The following PTPRM variants were observed in gnomAD, a reference collection of about 807,000 sequenced individuals.
PTPRM encodes receptor-type tyrosine-protein phosphatase mu.
Under a neutral mutation model 186.7 loss-of-function variants are expected in PTPRM, and 47 were observed. The ratio of observed to expected loss-of-function variants is 0.25; its 90% CI spans 0.20 to 0.32. The LOEUF (loss-of-function observed/expected upper bound fraction) is 0.32. Ranked by LOEUF, PTPRM falls within the 10% of genes least tolerant of loss-of-function variation. PTPRM has a pLI of 1.00. For missense variants in PTPRM, 1,494 were observed against 1,865.0 expected (o/e 0.80, Z 3.66); for synonymous variants, 668 against 674.9 (o/e 0.99, Z 0.16).
At chr18:7,704,754 A>C (rs1180402915) in intron 1 of PTPRM, among the ~76,000 whole-genome samples, 1 of 152,176 alleles carries the variant, frequency 6.6e-6, no homozygotes, top group Non-Finnish European at 1.5e-5. Flanking sequence ...CAATGAACAT[A>C]ATTCTAATTT....
chr18:7,688,104 C>G (rs1419717458), intron 1 of PTPRM, among the ~76,000 whole-genome samples: 1 of 152,108 alleles, frequency 6.6e-6, no homozygotes, highest in African/African-American at 2.4e-5. Context: ...AAAACATTCT[C>G]TAGTCGTGCC....
chr18:8,395,136 CTCT>C (rs1463456343), intron 32 of PTPRM, among the ~76,000 whole-genome samples: 1 of 151,920 alleles, frequency 6.6e-6, no homozygotes, highest in Non-Finnish European at 1.5e-5. Context: ...TTTATGAAAT[CTCT>C]TTTTATGTGG....
At chr18:8,400,792 C>T (rs1326720612) in intron 32 of PTPRM, among the ~76,000 whole-genome samples, 1 of 152,224 alleles carries the variant, frequency 6.6e-6, no homozygotes, top group Admixed American at 6.5e-5. Flanking sequence ...CTACAGCTCT[C>T]CCCCTTGTGC....
chr18:7,972,479 T>TAAAAAAAAAAAAAAAAAAAAAA (rs11445031), intron 7 of PTPRM, among the ~76,000 whole-genome samples: 1 of 44,368 alleles, frequency 2.3e-5, no homozygotes, highest in African/African-American at 1.2e-4. Context: ...AAAAAAACAT[T>TAAAAAAAAAAAAAAAAAAAAAA]AAAAAAAAAA....
At chr18:7,627,262 C>T (rs1433922620) in intron 1 of PTPRM, among the ~76,000 whole-genome samples, 1 of 152,166 alleles carries the variant, frequency 6.6e-6, no homozygotes, top group Non-Finnish European at 1.5e-5. Flanking sequence ...CAGATGTTAC[C>T]ATCCTTTTGG....
chr18:7,651,466 A>G (rs1338454188), intron 1 of PTPRM, among the ~76,000 whole-genome samples: 1 of 152,076 alleles, frequency 6.6e-6, no homozygotes, highest in Non-Finnish European at 1.5e-5. Context: ...CCAAAAGAAC[A>G]AAGCTGGAGG....
At chr18:7,674,608 A>G (rs756868915) in intron 1 of PTPRM, among the ~76,000 whole-genome samples, 27 of 152,168 alleles carry the variant, frequency 1.8e-4, no homozygotes, top group Non-Finnish European at 3.2e-4. Context: ...GTTTGAGATG[A>G]TAATTTTATG....
intron 14 of PTPRM, among the ~76,000 whole-genome samples, chr18:8,153,625 A>C (rs1401441191): frequency 6.6e-6 from 1 of 152,250 alleles, no homozygotes; most frequent in Non-Finnish European, 1.5e-5. Context: ...AGACTTGAGC[A>C]GTCTTGTACA....
chr18:7,973,673 A>C (rs1310285454), intron 7 of PTPRM, among the ~76,000 whole-genome samples: 1 of 152,160 alleles, frequency 6.6e-6, no homozygotes, highest in Non-Finnish European at 1.5e-5. Context: ...TTTATTATAG[A>C]GAAATCTTCA....
chr18:7,758,095 A>G (rs77934215), intron 1 of PTPRM, among the ~76,000 whole-genome samples: 3,758 of 152,294 alleles, frequency 0.025, 136 homozygotes, highest in African/African-American at 0.083. Flanking sequence ...GGGACTCAAT[A>G]TTCATGTGTT....
chr18:7,825,940 T>A, intron 2 of PTPRM, among the ~76,000 whole-genome samples: 1 of 152,322 alleles, frequency 6.6e-6, no homozygotes. Context: ...ATATATTAAC[T>A]CATTTAATCC....
At chr18:7,893,912 A>G (rs747397117) in intron 3 of PTPRM, among the ~76,000 whole-genome samples, 14 of 152,192 alleles carry the variant, frequency 9.2e-5, no homozygotes, top group Admixed American at 8.5e-4. Context: ...GTATTCACAG[A>G]TACAAAGTAA....
chr18:8,359,508 C>G (rs2095583931), intron 23 of PTPRM, among the ~76,000 whole-genome samples: 2 of 152,272 alleles, frequency 1.3e-5, no homozygotes, highest in African/African-American at 4.8e-5. Flanking sequence ...GACTTCTTGT[C>G]TCTTTGCCAT....
At chr18:7,982,912 G>T (rs958925970) in intron 7 of PTPRM, among the ~76,000 whole-genome samples, 2 of 152,102 alleles carry the variant, frequency 1.3e-5, no homozygotes, top group African/African-American at 4.8e-5. Flanking sequence ...TACAAGGATT[G>T]TGAGGCCTCA....
At chr18:8,227,590 G>T (rs2094229806) in intron 14 of PTPRM, among the ~76,000 whole-genome samples, 1 of 152,152 alleles carries the variant, frequency 6.6e-6, no homozygotes, top group African/African-American at 2.4e-5. Context: ...GACATCAGTG[G>T]CTTGCCTTGT....
At chr18:8,112,219 A>G (rs983432723) in intron 11 of PTPRM, among the ~76,000 whole-genome samples, 5 of 152,226 alleles carry the variant, frequency 3.3e-5, no homozygotes, top group Non-Finnish European at 5.9e-5. Context: ...ATATTCTAAA[A>G]CAATTGATTT....
chr18:8,340,278 CT>C (rs1447819804), intron 22 of PTPRM, among the ~76,000 whole-genome samples: 4 of 152,180 alleles, frequency 2.6e-5, no homozygotes, highest in African/African-American at 9.7e-5. Flanking sequence ...TTAGAATAAT[CT>C]TTGTGTTCAA....
At chr18:7,961,755 A>G (rs2053694558) in intron 7 of PTPRM, among the ~76,000 whole-genome samples, 1 of 152,206 alleles carries the variant, frequency 6.6e-6, no homozygotes, top group Non-Finnish European at 1.5e-5. Flanking sequence ...GATGTGTAAG[A>G]AGTATACACA....
chr18:7,797,711 A>G (rs1227588038), intron 2 of PTPRM, among the ~76,000 whole-genome samples: 1 of 151,868 alleles, frequency 6.6e-6, no homozygotes, highest in African/African-American at 2.4e-5. Context: ...TGACAGCAGC[A>G]GCAGAATCCC....
Sources: gnomAD v4.1 joint callset for allele counts (sites outside exome capture counted in the v4.1 genomes callset) on GRCh38, gnomAD v4.1.1 for gene constraint, MANE v1.5 for transcripts, NCBI Gene and HGNC (gene_info 2026-07-23, HGNC 2026-07-21) for gene names.